Variants in MAGI2 observed in about 807,000 individuals in gnomAD.
MAGI2 encodes membrane associated guanylate kinase, WW and PDZ domain containing 2, also known as membrane-associated guanylate kinase, WW and PDZ domain-containing protein 2.
A neutral mutation model predicts 133.3 loss-of-function variants in MAGI2; 35 were observed. The ratio of observed to expected loss-of-function variants is 0.26; its 90% CI spans 0.20 to 0.35. The LOEUF is 0.35. MAGI2 is among the 10% of genes least tolerant of loss of function. The pLI, the probability that MAGI2 is intolerant of heterozygous loss-of-function variation, is 1.00. For synonymous variants in MAGI2, 729 were observed against 710.6 expected, an observed-to-expected ratio of 1.03 and a Z score of -0.41; for missense variants, 1,636 against 1,863.4, an observed-to-expected ratio of 0.88 and a Z score of 2.25.
intron 2 of MAGI2, among the ~76,000 whole-genome samples, chr7:78,994,949 A>G (rs1806141913): frequency 6.6e-6 from 1 of 152,152 alleles, no homozygotes; most frequent in Non-Finnish European, 1.5e-5. Context: ...AAAATTTTAT[A>G]TCGTTAGAAT....
chr7:78,557,099 AAG>A (rs1799920085), intron 3 of MAGI2, among the ~76,000 whole-genome samples: 6 of 148,708 alleles, frequency 4.0e-5, no homozygotes, highest in African/African-American at 1.5e-4. Context: ...AAAAAAAAAA[AAG>A]AAAAAGAAAA....
intron 16 of MAGI2, among the ~76,000 whole-genome samples, chr7:78,146,207 G>C (rs980617666): frequency 6.6e-6 from 1 of 151,672 alleles, no homozygotes; most frequent in African/African-American, 2.4e-5. Context: ...GAAATGAGTG[G>C]GTCTGTGTTA....
rs555798505 is a variant in MAGI2, at chr7:78,019,944, C to T, written c.3739G>A (p.Ala1247Thr). Residue 1247 changes from alanine to threonine, a missense_variant, in exon 22 of 22, where the codon GCC becomes ACC. By Grantham distance (58) the Ala-to-Thr change is moderately conservative. Around this residue, in one of 5 missense-constraint regions of MAGI2, gnomAD observed 354 missense variants for 298.7 expected, o/e 1.19. Coordinates refer to ENST00000354212, the MANE Select transcript of MAGI2 (RefSeq NM_012301.4). ...EPAPWSSPAAAAPGLPEVGVS... is the reference protein window; with the variant it reads ...EPAPWSSPAATAPGLPEVGVS... The stretch of plus-strand genomic sequence containing the variant: ...CCTACTTCCGGCAGACCTGGGGCGG[C>T]GGCAGCGGGAGAACTCCAGGGGGCG... 3.2e-5 allele frequency: 51 copies of T among 1,608,070 alleles called. No homozygotes were observed. The African/African-American group carries it at 4.8e-4, about 15-fold the overall frequency.
chr7:79,116,416 C>A (rs1055439216), intron 1 of MAGI2, among the ~76,000 whole-genome samples: 1 of 152,112 alleles, frequency 6.6e-6, no homozygotes, highest in Non-Finnish European at 1.5e-5. Flanking sequence ...TTACTCACAA[C>A]TCAAGTGTCA....
chr7:78,923,951 A>C (rs56701461), intron 2 of MAGI2, among the ~76,000 whole-genome samples: 12,957 of 152,062 alleles, frequency 0.085, 617 homozygotes, highest in African/African-American at 0.13. Flanking sequence ...ATTCTCTTTG[A>C]AGCAATTGTG....
chr7:78,634,175 G>A (rs964242804), intron 2 of MAGI2, among the ~76,000 whole-genome samples: 1 of 152,198 alleles, frequency 6.6e-6, no homozygotes, highest in Non-Finnish European at 1.5e-5. Context: ...CATTTTGTCT[G>A]ATTACACAGT....
Position 78,334,600 on chromosome 7 carries a change from T to A in MAGI2, c.1408+9178A>T, listed in dbSNP as rs145235511. On this transcript the variant is annotated intron_variant, in intron 9 of 21. Transcript: ENST00000354212. Reference sequence around the variant, plus strand: ...CACAAACACCCCTTCAAAGCAGTTCTGAGCATAGGCTTGGATGGGAGAGGG... The same window carrying A: ...CACAAACACCCCTTCAAAGCAGTTCAGAGCATAGGCTTGGATGGGAGAGGG... 5.3e-3 allele frequency among the ~76,000 whole-genome samples: 812 copies of A among 152,290 alleles called. 8 individuals are homozygous for A. The highest frequency in any genetic ancestry group is 0.019 in the African/African-American group (771 of 41,562).
chr7:78,893,589 A>T (rs939248563), intron 2 of MAGI2, among the ~76,000 whole-genome samples: 2 of 152,216 alleles, frequency 1.3e-5, no homozygotes, highest in Admixed American at 1.3e-4. Context: ...AGGGACCTGG[A>T]TGAAGCCAGA....
At chr7:78,664,459 T>C (rs942783875) in intron 2 of MAGI2, among the ~76,000 whole-genome samples, 12 of 152,070 alleles carry the variant, frequency 7.9e-5, no homozygotes, top group African/African-American at 2.9e-4. Context: ...TTTTCGTTGA[T>C]TATGTATCTT....
intron 1 of MAGI2, among the ~76,000 whole-genome samples, chr7:79,312,443 T>G (rs1838360419): frequency 6.6e-6 from 1 of 152,200 alleles, no homozygotes; most frequent in Non-Finnish European, 1.5e-5. Flanking sequence ...ACTTGCCCAC[T>G]TACTGATTTT....
chr7:78,572,695 T>C (rs1801633333), intron 3 of MAGI2, among the ~76,000 whole-genome samples: 1 of 152,024 alleles, frequency 6.6e-6, no homozygotes, highest in African/African-American at 2.4e-5. Context: ...AGAGTTTCGC[T>C]CTTGTTGCCC....
chr7:78,961,798 T>A (rs186744204), intron 2 of MAGI2, among the ~76,000 whole-genome samples: 15 of 152,222 alleles, frequency 9.9e-5, no homozygotes, highest in Non-Finnish European at 1.8e-4. Flanking sequence ...ATCTGAGAAA[T>A]GTGTCTGTAG....
chr7:79,414,023 A>G (rs1446349821), intron 1 of MAGI2: 1 of 152,164 alleles, frequency 6.6e-6, no homozygotes, highest in African/African-American at 2.4e-5. Flanking sequence ...ATGATAGAAC[A>G]AGTAAAGTAT....
intron 2 of MAGI2, among the ~76,000 whole-genome samples, chr7:78,639,854 A>T (rs970483980): frequency 6.6e-6 from 1 of 152,168 alleles, no homozygotes; most frequent in South Asian, 2.1e-4. Context: ...TTAGGAAAAA[A>T]GAGAAAAGTG....
At chr7:79,204,972 G>A (rs1267908903) in intron 1 of MAGI2, among the ~76,000 whole-genome samples, 2 of 151,656 alleles carry the variant, frequency 1.3e-5, no homozygotes, top group African/African-American at 4.9e-5. Flanking sequence ...AAGCTTATGG[G>A]ACTTATGAAA....
chr7:79,061,109 T>C (rs1813685861), intron 1 of MAGI2, among the ~76,000 whole-genome samples: 1 of 152,106 alleles, frequency 6.6e-6, no homozygotes, highest in South Asian at 2.1e-4. Flanking sequence ...TTAGGGTGGA[T>C]GGAAGATTAT....
At chr7:79,276,008 A>G (rs1835205311) in intron 1 of MAGI2, among the ~76,000 whole-genome samples, 1 of 152,168 alleles carries the variant, frequency 6.6e-6, no homozygotes, top group Non-Finnish European at 1.5e-5. Context: ...AAGGAGATTA[A>G]TGTTGTTTTC....
chr7:79,126,613 A>T (rs1820427078), intron 1 of MAGI2, among the ~76,000 whole-genome samples: 2 of 152,172 alleles, frequency 1.3e-5, no homozygotes, highest in African/African-American at 4.8e-5. Flanking sequence ...TCCTTTTTAA[A>T]TTTTTAATAG....
chr7:79,318,093 T>C (rs1261475162), intron 1 of MAGI2, among the ~76,000 whole-genome samples: 2 of 152,152 alleles, frequency 1.3e-5, no homozygotes, highest in Non-Finnish European at 2.9e-5. Context: ...AGCCACCTTC[T>C]TTTTGCTCTC....
Sources: gnomAD v4.1 joint callset for allele counts (sites outside exome capture counted in the v4.1 genomes callset) on GRCh38, gnomAD v4.1.1 for gene constraint, gnomAD v4.1.1 regional missense constraint, MANE v1.5 for transcripts, NCBI Gene and HGNC (gene_info 2026-07-23, HGNC 2026-07-21) for gene names.